The following ZNF385D variants were observed in gnomAD, a reference collection of about 807,000 sequenced individuals.
The protein encoded by ZNF385D is zinc finger protein 385D.
Under a neutral mutation model 35.8 loss-of-function variants are expected in ZNF385D, and 15 were observed. That is an observed-to-expected ratio of 0.42 (90% CI 0.28 to 0.64). The LOEUF is 0.64. Among genes scored for constraint, ZNF385D ranks in the 30% least tolerant of loss-of-function variants. ZNF385D has a pLI of 0.23. For missense variants in ZNF385D, 474 were observed against 494.6 expected (o/e 0.96, Z 0.39); for synonymous variants, 212 against 186.8 (o/e 1.13, Z -1.10).
chr3:22,107,693 T>C (rs1297849037), intron 3 of ZNF385D, among the ~76,000 whole-genome samples: 2 of 152,126 alleles, frequency 1.3e-5, no homozygotes. Context: ...CAATTGTTGA[T>C]ATATTTCCTT....
intron 3 of ZNF385D, among the ~76,000 whole-genome samples, chr3:21,908,925 AG>A (rs1699827478): frequency 6.6e-6 from 1 of 152,116 alleles, no homozygotes. Flanking sequence ...TCAATGTGTT[AG>A]CTCTATTTTA....
chr3:22,217,539 T>C (rs187742637), intron 2 of ZNF385D, among the ~76,000 whole-genome samples: 167 of 152,320 alleles, frequency 1.1e-3, no homozygotes, highest in Admixed American at 1.6e-3. Context: ...TTTGAAGTAC[T>C]GGATGTTGGG....
rs990453111 is a variant in ZNF385D at position 21,539,469 on chromosome 3, G to A, written c.276+25105C>T. 1.3e-5 allele frequency among the ~76,000 whole-genome samples: 2 copies of A among 152,116 alleles called. No individual in the cohort carries two copies. The highest frequency in any genetic ancestry group is 2.4e-5 in the African/African-American group (1 of 41,436). Reference sequence around the variant, plus strand: ...AACCATAAAAGAAATTTTAATTTTTGTAATTAGGCCTTTTAATAGAAGGAC... The same window carrying A: ...AACCATAAAAGAAATTTTAATTTTTATAATTAGGCCTTTTAATAGAAGGAC... On this transcript the variant is annotated intron_variant, in intron 3 of 7. Transcript: ENST00000281523. The surrounding 1 kb of genome is among the most constrained non-coding windows in gnomAD (Gnocchi z 4.0).
intron 2 of ZNF385D, among the ~76,000 whole-genome samples, chr3:22,282,073 C>G (rs529228817): frequency 6.6e-6 from 1 of 152,072 alleles, no homozygotes; most frequent in South Asian, 2.1e-4. Context: ...CCTTGTATTT[C>G]TGTGTTATCA....
intron 2 of ZNF385D, among the ~76,000 whole-genome samples, chr3:22,338,759 G>T (rs1434294463): frequency 7.3e-6 from 1 of 137,886 alleles, no homozygotes; most frequent in African/African-American, 2.9e-5. Flanking sequence ...GGAGTACAAT[G>T]GCGCGATCTC....
chr3:21,865,937 T>G (rs1697325426), intron 3 of ZNF385D, among the ~76,000 whole-genome samples: 1 of 152,094 alleles, frequency 6.6e-6, no homozygotes, highest in African/African-American at 2.4e-5. Flanking sequence ...AGGACACTCA[T>G]GAAATTTACA....
At chr3:22,040,118 C>T (rs1698574623) in intron 3 of ZNF385D, among the ~76,000 whole-genome samples, 2 of 152,134 alleles carry the variant, frequency 1.3e-5, no homozygotes, top group Non-Finnish European at 2.9e-5. Context: ...GCAACTGCTC[C>T]CTCCTCTCAT....
At chr3:22,181,629 C>A (rs1432943133) in intron 2 of ZNF385D, among the ~76,000 whole-genome samples, 2 of 144,832 alleles carry the variant, frequency 1.4e-5, no homozygotes, top group Admixed American at 1.4e-4. Context: ...ACTCAGGAGG[C>A]GGAGCTTGCA....
At chr3:21,626,510 A>G (rs1006217671) in intron 2 of ZNF385D, among the ~76,000 whole-genome samples, 1 of 152,060 alleles carries the variant, frequency 6.6e-6, no homozygotes, top group African/African-American at 2.4e-5. Context: ...TCCTTGTGGG[A>G]TGTTCCTGTC....
chr3:21,769,959 C>G (rs901221002), intron 3 of ZNF385D, among the ~76,000 whole-genome samples: 9 of 152,062 alleles, frequency 5.9e-5, no homozygotes, highest in Non-Finnish European at 1.2e-4. Context: ...TGATCTTTGA[C>G]AAAACTGACA....
intron 1 of ZNF385D, among the ~76,000 whole-genome samples, chr3:21,723,087 C>T (rs1485333699): frequency 2.0e-5 from 3 of 152,034 alleles, no homozygotes; most frequent in Non-Finnish European, 4.4e-5. Context: ...GGGTAAAAAA[C>T]AAAGGAAAGC....
intron 3 of ZNF385D, among the ~76,000 whole-genome samples, chr3:21,947,926 G>A (rs980970806): frequency 1.3e-5 from 2 of 152,056 alleles, no homozygotes; most frequent in African/African-American, 2.4e-5. Context: ...GAAGTAGAGA[G>A]CAAGATACTG....
upstream of ZNF385D, among the ~76,000 whole-genome samples, chr3:21,753,395 T>C (rs1340637411): frequency 6.6e-6 from 1 of 152,186 alleles, no homozygotes; most frequent in Non-Finnish European, 1.5e-5. Context: ...GAAACAAATA[T>C]ATCTATATGG....
chr3:21,987,249 G>A (rs1241418084), intron 3 of ZNF385D, among the ~76,000 whole-genome samples: 3 of 140,902 alleles, frequency 2.1e-5, no homozygotes, highest in African/African-American at 8.5e-5. Context: ...AGTTGATGCA[G>A]TTTCTTCCTA....
At position 22,151,083 on chromosome 3, in the gene ZNF385D, G is replaced by A. The variant is rs1159624541; in HGVS notation, c.325+17734C>T. Among the ~76,000 whole-genome samples, 4 of 152,178 alleles carry A rather than the reference G, an allele frequency of 2.6e-5. No homozygotes were observed. The East Asian group carries it at 7.7e-4, about 29-fold the overall frequency. On this transcript the variant is annotated intron_variant, in intron 3 of 5. Coordinates refer to the ZNF385D transcript ENST00000494108. ...AGTGCAATGTGTTCAACATGAACAT[G>A]ATTTGTCTCAACTCTGGATGTGTCT... is the stretch of plus-strand genomic sequence containing the variant.
intron 2 of ZNF385D, among the ~76,000 whole-genome samples, chr3:21,589,452 G>A (rs929285114): frequency 5.3e-5 from 8 of 152,072 alleles, no homozygotes; most frequent in Non-Finnish European, 1.0e-4. Context: ...AGACTTAAAT[G>A]CGAAAAGCAA....
intron 3 of ZNF385D, among the ~76,000 whole-genome samples, chr3:21,945,140 A>ATGTG (rs1221188038): frequency 7.1e-6 from 1 of 140,984 alleles, no homozygotes. Context: ...ATATATATGT[A>ATGTG]TATGCATATA....
At chr3:21,831,122 G>A (rs1483114141) in intron 3 of ZNF385D, among the ~76,000 whole-genome samples, 3 of 152,002 alleles carry the variant, frequency 2.0e-5, no homozygotes, top group African/African-American at 7.2e-5. Context: ...AACACTCAAG[G>A]TTGTTTTTAG....
intron 1 of ZNF385D, among the ~76,000 whole-genome samples, chr3:21,668,149 C>G (rs1368254534): frequency 6.6e-6 from 1 of 152,130 alleles, no homozygotes; most frequent in Non-Finnish European, 1.5e-5. Context: ...CTCTCAGCTG[C>G]TTGGAGTGCT....
Sources: allele counts gnomAD v4.1 joint callset (sites outside exome capture counted in the v4.1 genomes callset), GRCh38; gene constraint gnomAD v4.1.1; non-coding constraint Gnocchi (gnomAD v3.1); transcripts MANE v1.5; gene names NCBI Gene and HGNC (gene_info 2026-07-23, HGNC 2026-07-21).